The following P3H2 variants were observed in gnomAD, a reference collection of about 807,000 sequenced individuals.
P3H2 encodes the protein leprecan-like 1.
A neutral mutation model predicts 87.0 loss-of-function variants in P3H2; 80 were observed. The ratio of observed to expected loss-of-function variants is 0.92; its 90% confidence interval spans 0.77 to 1.11. The LOEUF (loss-of-function observed/expected upper bound fraction) is 1.11. Among genes scored for constraint, P3H2 ranks in the 50% least tolerant of loss-of-function variants. The pLI is 0.00. For missense variants in P3H2, 1,001 were observed against 923.9 expected (o/e 1.08, Z -1.08); for synonymous variants, 367 against 359.3 (o/e 1.02, Z -0.24).
Position 190,046,225 on chromosome 3 carries a change from T to C in P3H2, c.481-50783A>G, listed in dbSNP as rs148823268. Among the ~76,000 whole-genome samples, 755 of 152,344 alleles carry C rather than the reference T, an allele frequency of 5.0e-3. 2 individuals carry two copies. The highest frequency in any genetic ancestry group is 7.3e-3 in the Non-Finnish European group (495 of 68,034). ...CTCCACAATCGTGTATGCCGTTTCC[T>C]TGCAGTACATCTCTTGTGATCTATC... On this transcript the variant is annotated intron_variant, in intron 1 of 14. Transcript: ENST00000319332.
intron 1 of P3H2, among the ~76,000 whole-genome samples, chr3:190,074,172 T>C (rs549430245): frequency 5.6e-4 from 85 of 152,306 alleles, no homozygotes; most frequent in African/African-American, 2.0e-3. Flanking sequence ...AACTTAATCT[T>C]GAGATCCCAT....
intron 1 of P3H2, among the ~76,000 whole-genome samples, chr3:190,110,006 A>C (rs1712010250): frequency 6.6e-6 from 1 of 151,496 alleles, no homozygotes; most frequent in Non-Finnish European, 1.5e-5. Context: ...GCACCACCAC[A>C]CTTGGCTAAT....
chr3:189,982,045 T>C (rs1723552489), intron 8 of P3H2, among the ~76,000 whole-genome samples: 1 of 152,220 alleles, frequency 6.6e-6, no homozygotes, highest in African/African-American at 2.4e-5. Context: ...AAAGAAGTAC[T>C]GTACAGCTTC....
intron 6 of P3H2, among the ~76,000 whole-genome samples, chr3:189,986,580 A>G (rs977944757): frequency 6.6e-6 from 1 of 152,104 alleles, no homozygotes; most frequent in African/African-American, 2.4e-5. Flanking sequence ...CAAGAGCGAG[A>G]CTCCATCTCA....
At chr3:190,046,457 T>C (rs1426639953) in intron 1 of P3H2, among the ~76,000 whole-genome samples, 1 of 152,202 alleles carries the variant, frequency 6.6e-6, no homozygotes, top group Non-Finnish European at 1.5e-5. Context: ...CCAAATTCCA[T>C]TGTTCTGGCC....
intron 12 of P3H2, chr3:189,971,629 A>G: frequency 2.3e-6 from 1 of 430,168 alleles, no homozygotes; most frequent in Non-Finnish European, 4.3e-6. Flanking sequence ...GAATTTTTTT[A>G]AAAGAACATA....
Position 190,058,999 on chromosome 3 carries a change from T to C in P3H2, c.480+61253A>G, listed in dbSNP as rs116463983. Among the ~76,000 whole-genome samples, 331 of 152,258 alleles carry C rather than the reference T, an allele frequency of 2.2e-3. 4 individuals are homozygous for C. Among genetic ancestry groups the C allele is most frequent in the African/African-American group, 7.6e-3 (314 of 41,556 alleles). On this transcript the variant is annotated intron_variant, in intron 1 of 14. Transcript: ENST00000319332. ...TTAGCTACCAACATTGTACATTCAG[T>C]TGTTAAATCTCTGCTTTGCTGATCC...
At chr3:190,057,634 C>G (rs915405168) in intron 1 of P3H2, among the ~76,000 whole-genome samples, 1 of 137,514 alleles carries the variant, frequency 7.3e-6, no homozygotes, top group African/African-American at 2.7e-5. Context: ...AAAAAGCCAT[C>G]ACACTTTATC....
At chr3:190,001,494 T>C (rs969847475) in intron 1 of P3H2, among the ~76,000 whole-genome samples, 4 of 152,238 alleles carry the variant, frequency 2.6e-5, no homozygotes, top group African/African-American at 9.6e-5. Context: ...TTTAATGAAG[T>C]GCTATGGTTT....
chr3:189,974,776 G>A lies in P3H2; in HGVS notation c.1325-91C>T, dbSNP rs1985690. On this transcript the variant is annotated intron_variant, in intron 8 of 14. Coordinates refer to ENST00000319332, the MANE Select transcript of P3H2 (RefSeq NM_018192.4). Reference sequence around the variant, plus strand: ...AAACAGCTTTCAATGTGCAATTCGAGTGAGTCCATTTCTTCATGAATATTT... The same window carrying A: ...AAACAGCTTTCAATGTGCAATTCGAATGAGTCCATTTCTTCATGAATATTT... 0.56 allele frequency: 827,317 copies of A among 1,486,272 alleles called. 233,244 individuals carry two copies. The highest frequency in any genetic ancestry group is 0.82 in the East Asian group (36,329 of 44,150). 92.1% of individuals were successfully genotyped at this position (1,486,272 alleles called of 1,614,324 possible). A position where few individuals can be genotyped will look rare whatever the true frequency, so the allele number is the denominator to read the frequency against.
At chr3:190,070,074 T>C (rs777145667) in intron 1 of P3H2, among the ~76,000 whole-genome samples, 7 of 152,010 alleles carry the variant, frequency 4.6e-5, no homozygotes, top group Non-Finnish European at 8.8e-5. Flanking sequence ...GTGGTGGCTA[T>C]GGAGAAACTG....
intron 1 of P3H2, among the ~76,000 whole-genome samples, chr3:190,048,168 G>A (rs534159389): frequency 1.5e-4 from 23 of 152,184 alleles, no homozygotes; most frequent in African/African-American, 5.5e-4. Context: ...AATGATTCAA[G>A]AGATTTTATT....
intron 8 of P3H2, among the ~76,000 whole-genome samples, chr3:189,980,545 A>C (rs1457097214): frequency 6.6e-6 from 1 of 151,974 alleles, no homozygotes; most frequent in Non-Finnish European, 1.5e-5. Flanking sequence ...CCTGGGGGAC[A>C]GAGCGAGACT....
intron 1 of P3H2, among the ~76,000 whole-genome samples, chr3:190,012,986 A>T (rs538189400): frequency 6.6e-6 from 1 of 152,160 alleles, no homozygotes; most frequent in East Asian, 1.9e-4. Context: ...CCAGTGACTA[A>T]CTCTTCTTGG....
intron 1 of P3H2, among the ~76,000 whole-genome samples, chr3:190,041,726 A>G (rs535340330): frequency 3.9e-5 from 6 of 152,310 alleles, no homozygotes; most frequent in African/African-American, 1.4e-4. Context: ...GTTCTCAAGT[A>G]CCAGGAAAGA....
chr3:190,115,588 C>A (rs1712258887), intron 1 of P3H2, among the ~76,000 whole-genome samples: 1 of 151,874 alleles, frequency 6.6e-6, no homozygotes, highest in African/African-American at 2.4e-5. Flanking sequence ...GTAATAAGAA[C>A]TAAAGAAGAA....
intron 1 of P3H2, among the ~76,000 whole-genome samples, chr3:190,027,227 A>C (rs1323280524): frequency 6.6e-6 from 1 of 152,218 alleles, no homozygotes; most frequent in Non-Finnish European, 1.5e-5. Flanking sequence ...ATGATACCTA[A>C]CTAAATCTCC....
intron 1 of P3H2, among the ~76,000 whole-genome samples, chr3:190,102,225 CTT>C (rs1248526542): frequency 3.9e-5 from 6 of 152,172 alleles, no homozygotes; most frequent in African/African-American, 1.4e-4. Flanking sequence ...AGAGGAGTAA[CTT>C]TGATTTTCAA....
At chr3:190,072,386 C>T (rs1175189957) in intron 1 of P3H2, among the ~76,000 whole-genome samples, 1 of 152,070 alleles carries the variant, frequency 6.6e-6, no homozygotes, top group Non-Finnish European at 1.5e-5. Context: ...TAATTTAGAG[C>T]ATTGGCAGTG....
Sources: gnomAD v4.1 joint callset for allele counts (sites outside exome capture counted in the v4.1 genomes callset) on GRCh38, gnomAD v4.1.1 for gene constraint, MANE v1.5 for transcripts, NCBI Gene and HGNC (gene_info 2026-07-23, HGNC 2026-07-21) for gene names.